TFEC: variants seen among roughly 807,000 people sequenced by gnomAD.
The protein encoded by TFEC is transcription factor EC, also known as class E basic helix-loop-helix protein 34.
TFEC carries 31 observed loss-of-function variants against 41.6 expected under a neutral mutation model. The ratio of observed to expected loss-of-function variants is 0.74; its 90% confidence interval spans 0.56 to 1.01. The LOEUF (loss-of-function observed/expected upper bound fraction) is 1.01, where lower values mean the gene tolerates loss of function less well. TFEC is among the 50% of genes least tolerant of loss of function. The pLI, the probability that TFEC is intolerant of heterozygous loss-of-function variation, is 0.00. For missense variants in TFEC, 402 were observed against 404.1 expected, an observed-to-expected ratio of 0.99 and a Z score of 0.04; for synonymous variants, 143 against 140.6, an observed-to-expected ratio of 1.02 and a Z score of -0.12.
At chr7:116,014,016 T>C (rs930495976) in intron 1 of TFEC, among the ~76,000 whole-genome samples, 3 of 152,130 alleles carry the variant, frequency 2.0e-5, no homozygotes, top group African/African-American at 7.2e-5. Flanking sequence ...TCTTCCACTT[T>C]AGTCCCTAGA....
At chr7:116,110,969 A>T in intron 2 of TFEC, 1 of 1,132,098 alleles carries the variant, frequency 8.8e-7, no homozygotes, top group Non-Finnish European at 1.2e-6. Flanking sequence ...TAAAACACAT[A>T]CAAAATAATA....
intron 3 of TFEC, among the ~76,000 whole-genome samples, chr7:116,037,911 T>C (rs771064653): frequency 2.0e-5 from 3 of 152,046 alleles, no homozygotes; most frequent in Non-Finnish European, 2.9e-5. Flanking sequence ...AAAATGTGCA[T>C]ATCACTATAC....
chr7:116,066,734 G>C (rs57627972), intron 3 of TFEC, among the ~76,000 whole-genome samples: 4,349 of 152,070 alleles, frequency 0.029, 210 homozygotes, highest in African/African-American at 0.098. Flanking sequence ...CCTGAATATA[G>C]AACACAGGAT....
At chr7:115,998,112 AAAC>A (rs1468987887) in intron 1 of TFEC, among the ~76,000 whole-genome samples, 1 of 152,136 alleles carries the variant, frequency 6.6e-6, no homozygotes, top group East Asian at 1.9e-4. Flanking sequence ...GAAGGTACTA[AAAC>A]ACCAAATAGA....
At chr7:116,052,510 C>T (rs1025613700) in intron 3 of TFEC, among the ~76,000 whole-genome samples, 16 of 152,038 alleles carry the variant, frequency 1.1e-4, no homozygotes, top group Non-Finnish European at 5.9e-5. Flanking sequence ...CTCACTGCAA[C>T]CTCCAGCTCC....
chr7:116,016,595 T>C (rs1173916143), intron 1 of TFEC, among the ~76,000 whole-genome samples: 4 of 152,120 alleles, frequency 2.6e-5, no homozygotes, highest in Non-Finnish European at 4.4e-5. Context: ...TAAAATACTA[T>C]GTACATGCTA....
chr7:116,022,614 C>T (rs983278208), intron 1 of TFEC, among the ~76,000 whole-genome samples: 5 of 152,182 alleles, frequency 3.3e-5, no homozygotes, highest in African/African-American at 7.2e-5. Context: ...GGGTAAGGAA[C>T]ACTAGCTATG....
chr7:115,989,421 G>A (rs528651463), intron 1 of TFEC, among the ~76,000 whole-genome samples: 23 of 152,308 alleles, frequency 1.5e-4, no homozygotes, highest in African/African-American at 5.3e-4. Context: ...GCAGCCCACG[G>A]AGTGTGAGCC....
chr7:116,034,401 C>T (rs1300032629), upstream of TFEC, among the ~76,000 whole-genome samples: 4 of 152,008 alleles, frequency 2.6e-5, no homozygotes, highest in African/African-American at 9.7e-5. Flanking sequence ...CAACCAAAAT[C>T]TTCTCTTCCA....
At chr7:116,148,982 G>C (rs1029100552) in intron 1 of TFEC, among the ~76,000 whole-genome samples, 2 of 151,710 alleles carry the variant, frequency 1.3e-5, no homozygotes, top group Admixed American at 1.3e-4. Context: ...GATCCAGAAA[G>C]AATGATTGAT....
At chr7:115,977,412 T>A (rs1441122377) in intron 2 of TFEC, among the ~76,000 whole-genome samples, 1 of 152,030 alleles carries the variant, frequency 6.6e-6, no homozygotes, top group Non-Finnish European at 1.5e-5. Flanking sequence ...AGAACAAAAC[T>A]TTTTAACAAC....
intron 3 of TFEC, among the ~76,000 whole-genome samples, chr7:115,970,613 A>T (rs1181756342): frequency 1.3e-5 from 2 of 152,060 alleles, no homozygotes; most frequent in Non-Finnish European, 1.5e-5. Flanking sequence ...GCATATATTC[A>T]TGATCTAGAA....
intron 3 of TFEC, among the ~76,000 whole-genome samples, chr7:116,091,260 G>A (rs1367452796): frequency 6.6e-6 from 1 of 152,082 alleles, no homozygotes; most frequent in African/African-American, 2.4e-5. Context: ...GAAGAACATT[G>A]AATAATAGAG....
At chr7:115,961,629 T>C (rs1193735986) in intron 3 of TFEC, among the ~76,000 whole-genome samples, 1 of 151,388 alleles carries the variant, frequency 6.6e-6, no homozygotes, top group Non-Finnish European at 1.5e-5. Context: ...TGAAAAAAAA[T>C]TAACAAGATT....
In TFEC at chr7:116,105,257, A is replaced by G. The variant is rs1337303263; in HGVS notation, c.198+5451T>C. ...TGATCCCCTACTCTGGCACAAAACC[A>G]CTAGTACATATGCAGTAGAGAGTTT... On this transcript the variant is annotated intron_variant, in intron 3 of 8. Transcript: ENST00000484212. 2.6e-5 allele frequency among the ~76,000 whole-genome samples: 4 copies of G among 152,306 alleles called. No individual in the cohort carries two copies. The East Asian group carries it at 5.8e-4, about 22-fold the overall frequency.
At chr7:116,155,278 AGAAT>A (rs1464888846) in intron 1 of TFEC, among the ~76,000 whole-genome samples, 2 of 152,240 alleles carry the variant, frequency 1.3e-5, no homozygotes, top group Admixed American at 6.5e-5. Flanking sequence ...CAAGAACTAG[AGAAT>A]GAATAGAAAT....
intron 3 of TFEC, among the ~76,000 whole-genome samples, chr7:116,098,271 T>C (rs1797517022): frequency 1.3e-5 from 2 of 152,150 alleles, no homozygotes; most frequent in African/African-American, 2.4e-5. Flanking sequence ...GCGATTCTCC[T>C]GCCTCAGTCT....
chr7:116,105,780 G>C lies in TFEC; in HGVS notation c.198+4928C>G, dbSNP rs530326695. Among the ~76,000 whole-genome samples the C allele has an allele frequency of 1.4e-4, 21 of 152,154 alleles. 2 individuals carry two copies. The highest frequency in any genetic ancestry group is 1.2e-3 in the Admixed American group (19 of 15,278). The stretch of plus-strand genomic sequence containing the variant: ...AAAGTCTGAGTGTTTGCCAAAAAGA[G>C]ACAGATTTAACCTTAAAGTCACCAC... On this transcript the variant is annotated intron_variant, in intron 3 of 8. Coordinates refer to the TFEC transcript ENST00000484212.
chr7:116,132,697 C>T (rs1232648330), intron 1 of TFEC, among the ~76,000 whole-genome samples: 2 of 152,144 alleles, frequency 1.3e-5, no homozygotes, highest in African/African-American at 4.8e-5. Flanking sequence ...TGGAAAATAA[C>T]ATTTTAGCAA....
Sources: gnomAD v4.1 joint callset for allele counts (sites outside exome capture counted in the v4.1 genomes callset) on GRCh38, gnomAD v4.1.1 for gene constraint, MANE v1.5 for transcripts, NCBI Gene and HGNC (gene_info 2026-07-23, HGNC 2026-07-21) for gene names.